Variants in RGS6 observed in about 807,000 individuals in gnomAD.
RGS6 encodes the protein regulator of G-protein signaling 6.
In RGS6, 30 loss-of-function variants were observed where a neutral mutation model predicts 78.5. The observed-to-expected ratio is 0.38, with a 90% confidence interval of 0.29 to 0.52. RGS6 has a LOEUF of 0.52. Among genes scored for constraint, RGS6 ranks in the 20% least tolerant of loss-of-function variants. The probability of loss-of-function intolerance (pLI) is 0.85; values close to 1 mark genes in which losing one functional copy is unlikely to be tolerated. For synonymous variants in RGS6, 206 were observed against 206.0 expected (o/e 1.00, Z 0.00); for missense variants, 495 against 609.7 (o/e 0.81, Z 1.98).
intron 3 of RGS6, among the ~76,000 whole-genome samples, chr14:72,406,684 A>C (rs992955602): frequency 6.6e-6 from 1 of 152,204 alleles, no homozygotes; most frequent in African/African-American, 2.4e-5. Context: ...TGTGTTTGGC[A>C]ATGTCTGTTA....
At chr14:72,093,632 A>G (rs2095334833) in intron 2 of RGS6, among the ~76,000 whole-genome samples, 1 of 152,152 alleles carries the variant, frequency 6.6e-6, no homozygotes, top group Admixed American at 6.5e-5. Context: ...TTTAATCTGC[A>G]TTGCTCTAAT....
intron 2 of RGS6, among the ~76,000 whole-genome samples, chr14:72,033,408 T>A (rs1021220818): frequency 3.3e-5 from 5 of 151,932 alleles, no homozygotes; most frequent in African/African-American, 1.2e-4. Context: ...TATTTTTTTT[T>A]ATTATTTGTA....
chr14:72,628,636 A>AAGAG, the RGS6 span, among the ~76,000 whole-genome samples: 1 of 149,696 alleles, frequency 6.7e-6, no homozygotes, highest in African/African-American at 2.4e-5. Context: ...GTCTTGCCAA[A>AAGAG]AGAGAGAGAG....
At chr14:71,972,272 A>G (rs2093858268) in intron 2 of RGS6, among the ~76,000 whole-genome samples, 1 of 152,024 alleles carries the variant, frequency 6.6e-6, no homozygotes, top group African/African-American at 2.4e-5. Context: ...CAGAATTCAG[A>G]AAATCTTTGT....
chr14:72,493,151 C>A (rs1221612907), intron 12 of RGS6, among the ~76,000 whole-genome samples: 1 of 152,126 alleles, frequency 6.6e-6, no homozygotes, highest in Non-Finnish European at 1.5e-5. Context: ...GTCTTAAGTA[C>A]AAATGGATGT....
At chr14:72,596,485 A>G in the RGS6 span, among the ~76,000 whole-genome samples, 1 of 152,184 alleles carries the variant, frequency 6.6e-6, no homozygotes, top group Non-Finnish European at 1.5e-5. Context: ...GGACATGAAC[A>G]TTTTTGAGGG....
At chr14:72,436,156 A>G (rs902123585) in intron 3 of RGS6, among the ~76,000 whole-genome samples, 1 of 152,194 alleles carries the variant, frequency 6.6e-6, no homozygotes, top group African/African-American at 2.4e-5. Flanking sequence ...GAAGTCAAGC[A>G]CTAGGATGGT....
the RGS6 span, among the ~76,000 whole-genome samples, chr14:72,577,341 C>T: frequency 0.043 from 6,611 of 152,288 alleles, 191 homozygotes; most frequent in East Asian, 0.097. Flanking sequence ...TTCCAGACAT[C>T]AGAGCAAAGA....
intron 2 of RGS6, among the ~76,000 whole-genome samples, chr14:72,085,893 C>T (rs936825028): frequency 1.4e-5 from 2 of 141,852 alleles, no homozygotes; most frequent in African/African-American, 2.6e-5. Context: ...AGAGGAGCTA[C>T]AGTGATGCTG....
At chr14:72,463,752 G>A (rs1044524965) in intron 6 of RGS6, among the ~76,000 whole-genome samples, 1 of 152,196 alleles carries the variant, frequency 6.6e-6, no homozygotes, top group Non-Finnish European at 1.5e-5. Flanking sequence ...TGGCCCAGTC[G>A]AGCTGGTGAC....
chr14:72,285,534 AC>A (rs2062376949), intron 2 of RGS6, among the ~76,000 whole-genome samples: 1 of 152,080 alleles, frequency 6.6e-6, no homozygotes, highest in Non-Finnish European at 1.5e-5. Context: ...CTTATAAATT[AC>A]CCAGTCTTGT....
At chr14:72,264,909 C>T (rs964715986) in intron 2 of RGS6, among the ~76,000 whole-genome samples, 2 of 152,144 alleles carry the variant, frequency 1.3e-5, no homozygotes, top group Admixed American at 1.3e-4. Context: ...TCAGGAACCT[C>T]TCGGTACCAC....
intron 2 of RGS6, among the ~76,000 whole-genome samples, chr14:71,982,212 G>A (rs564943762): frequency 7.4e-4 from 112 of 152,276 alleles, no homozygotes; most frequent in African/African-American, 2.6e-3. Context: ...GATGAACCCG[G>A]TACCTCAGAT....
At chr14:72,377,599 A>AT (rs1007701034) in intron 3 of RGS6, among the ~76,000 whole-genome samples, 7 of 152,042 alleles carry the variant, frequency 4.6e-5, no homozygotes, top group South Asian at 2.1e-4. Flanking sequence ...CAGAATATGC[A>AT]TTTTTTTTCA....
At chr14:72,400,925 C>T (rs1455114713) in intron 3 of RGS6, among the ~76,000 whole-genome samples, 1 of 145,042 alleles carries the variant, frequency 6.9e-6, no homozygotes, top group Non-Finnish European at 1.5e-5. Flanking sequence ...GGTGGCAGGG[C>T]CAGGCCAGGC....
chr14:72,212,260 A>G (rs1339639309), intron 2 of RGS6, among the ~76,000 whole-genome samples: 1 of 152,166 alleles, frequency 6.6e-6, no homozygotes, highest in African/African-American at 2.4e-5. Context: ...TGCTTTGGGG[A>G]CATGACAATG....
chr14:72,586,183 A>G, the RGS6 span, among the ~76,000 whole-genome samples: 1 of 152,020 alleles, frequency 6.6e-6, no homozygotes, highest in Non-Finnish European at 1.5e-5. Context: ...CCTGATTGCT[A>G]TGGCTTGGAT....
chr14:72,024,351 C>G (rs1346639376), intron 2 of RGS6, among the ~76,000 whole-genome samples: 1 of 152,160 alleles, frequency 6.6e-6, no homozygotes, highest in Non-Finnish European at 1.5e-5. Flanking sequence ...CTGGCACTGA[C>G]TTTCTTTACT....
the RGS6 span, among the ~76,000 whole-genome samples, chr14:71,885,218 A>G: frequency 3.9e-5 from 6 of 152,210 alleles, no homozygotes; most frequent in African/African-American, 1.4e-4. Context: ...AAACAAAACA[A>G]ACAAAACCTA....
Sources: allele counts gnomAD v4.1 joint callset (sites outside exome capture counted in the v4.1 genomes callset), GRCh38; gene constraint gnomAD v4.1.1; transcripts MANE v1.5; gene names NCBI Gene and HGNC (gene_info 2026-07-23, HGNC 2026-07-21).